LY96: variants seen among roughly 807,000 people sequenced by gnomAD.
LY96 encodes the protein lymphocyte antigen 96.
Under a neutral mutation model 18.9 loss-of-function variants are expected in LY96, and 18 were observed. That is an observed-to-expected ratio of 0.95 (90% CI 0.66 to 1.41). The LOEUF (loss-of-function observed/expected upper bound fraction) is 1.41, where lower values mean the gene tolerates loss of function less well. LY96 is among the 40% of genes most tolerant of loss of function. The pLI, the probability that LY96 is intolerant of heterozygous loss-of-function variation, is 0.00. For synonymous variants in LY96, 66 were observed against 62.6 expected (o/e 1.06, Z -0.26); for missense variants, 175 against 182.4 (o/e 0.96, Z 0.23).
chr8:74,075,216 C>T, the LY96 span, among the ~76,000 whole-genome samples: 1 of 152,240 alleles, frequency 6.6e-6, no homozygotes, highest in East Asian at 1.9e-4. Flanking sequence ...GCTGAATTGA[C>T]CCCTTTATTA....
At chr8:74,038,037 G>A in the LY96 span, among the ~76,000 whole-genome samples, 1 of 152,032 alleles carries the variant, frequency 6.6e-6, no homozygotes, top group African/African-American at 2.4e-5. Flanking sequence ...TACATAGTAG[G>A]TATATATATT....
chr8:74,089,843 G>A, the LY96 span, among the ~76,000 whole-genome samples: 2 of 152,114 alleles, frequency 1.3e-5, no homozygotes, highest in South Asian at 2.1e-4. Flanking sequence ...TGTGCTGTTT[G>A]AGCAAAGACC....
chr8:73,996,376 T>C (rs58885930), intron 1 of LY96, among the ~76,000 whole-genome samples: 1,157 of 17,286 alleles, frequency 0.067, 14 homozygotes, highest in African/African-American at 0.082. Flanking sequence ...TTCATTCCTT[T>C]CTTTCTTTCT....
chr8:74,049,282 T>C, the LY96 span, among the ~76,000 whole-genome samples: 8 of 152,332 alleles, frequency 5.3e-5, no homozygotes, highest in East Asian at 3.9e-4. Flanking sequence ...CCTGTCATGC[T>C]TGACACTCCA....
At chr8:74,078,288 G>A in the LY96 span, among the ~76,000 whole-genome samples, 51 of 152,228 alleles carry the variant, frequency 3.4e-4, 1 homozygote, top group East Asian at 8.5e-3. Context: ...TGGAGTGTGA[G>A]GATTTTCCTG....
At chr8:74,088,726 C>G in the LY96 span, among the ~76,000 whole-genome samples, 2 of 152,196 alleles carry the variant, frequency 1.3e-5, no homozygotes, top group Non-Finnish European at 1.5e-5. Flanking sequence ...GCTGGGATTA[C>G]AGGCACCTAC....
chr8:74,001,992 C>CTTCCTTCCG (rs1816284333), intron 1 of LY96, among the ~76,000 whole-genome samples: 1 of 77,062 alleles, frequency 1.3e-5, no homozygotes, highest in African/African-American at 4.7e-5. Context: ...CCCTCCCTCC[C>CTTCCTTCCG]TCCTTTCTTC....
chr8:74,025,351 C>T (rs564364795), intron 3 of LY96, among the ~76,000 whole-genome samples: 13 of 152,166 alleles, frequency 8.5e-5, no homozygotes, highest in Non-Finnish European at 1.2e-4. Context: ...CAGGTATCAA[C>T]TCCTTTAGTA....
chr8:74,052,073 A>G, the LY96 span, among the ~76,000 whole-genome samples: 21 of 152,340 alleles, frequency 1.4e-4, no homozygotes, highest in East Asian at 4.1e-3. Flanking sequence ...GGAAAAATAA[A>G]AGAAAAAGAA....
chr8:74,041,094 G>T, the LY96 span, among the ~76,000 whole-genome samples: 1 of 152,226 alleles, frequency 6.6e-6, no homozygotes, highest in South Asian at 2.1e-4. Context: ...AAATTGTGAA[G>T]ATTTCATTTT....
chr8:74,050,913 C>T, the LY96 span, among the ~76,000 whole-genome samples: 1 of 152,180 alleles, frequency 6.6e-6, no homozygotes, highest in Non-Finnish European at 1.5e-5. Flanking sequence ...ATCCCAGCTA[C>T]TCAGGAGGCT....
At chr8:73,993,385 C>T (rs1345336283) in intron 1 of LY96, among the ~76,000 whole-genome samples, 1 of 152,094 alleles carries the variant, frequency 6.6e-6, no homozygotes, top group African/African-American at 2.4e-5. Flanking sequence ...AAGCCATCCT[C>T]CCAGCTCAGC....
At chr8:74,057,773 C>T in the LY96 span, among the ~76,000 whole-genome samples, 277 of 152,368 alleles carry the variant, frequency 1.8e-3, no homozygotes, top group Non-Finnish European at 3.2e-3. Flanking sequence ...GGTAGCCAGG[C>T]TCACACCTGC....
the LY96 span, among the ~76,000 whole-genome samples, chr8:74,036,716 A>G: frequency 6.6e-6 from 1 of 152,186 alleles, no homozygotes; most frequent in African/African-American, 2.4e-5. Flanking sequence ...GTTCTCCTTC[A>G]TATTAAACTT....
At chr8:74,065,436 T>C in the LY96 span, among the ~76,000 whole-genome samples, 324 of 152,338 alleles carry the variant, frequency 2.1e-3, 1 homozygote, top group African/African-American at 6.6e-3. Flanking sequence ...TGAATTTTGG[T>C]TGTATTATTC....
intron 1 of LY96, among the ~76,000 whole-genome samples, chr8:73,998,973 T>G (rs1816208973): frequency 8.1e-6 from 1 of 123,480 alleles, no homozygotes; most frequent in African/African-American, 3.3e-5. Context: ...TAGCTTGTTA[T>G]AATTTTTTTT....
chr8:74,017,874 C>A (rs1563717606), intron 3 of LY96, among the ~76,000 whole-genome samples: 1 of 152,142 alleles, frequency 6.6e-6, no homozygotes, highest in Admixed American at 6.6e-5. Flanking sequence ...CACCACCAGG[C>A]CTGCCTTACA....
the LY96 span, among the ~76,000 whole-genome samples, chr8:74,060,157 A>AACGACGACG: frequency 2.0e-5 from 3 of 151,894 alleles, no homozygotes; most frequent in Non-Finnish European, 2.9e-5. Context: ...AAACAACAAC[A>AACGACGACG]ACGACGACGA....
chr8:74,058,593 C>A, the LY96 span, among the ~76,000 whole-genome samples: 2 of 150,718 alleles, frequency 1.3e-5, no homozygotes, highest in Non-Finnish European at 2.9e-5. Context: ...AATCTCGGCT[C>A]ACTGCAACCT....
Sources: gnomAD v4.1 joint callset for allele counts (sites outside exome capture counted in the v4.1 genomes callset) on GRCh38, gnomAD v4.1.1 for gene constraint, MANE v1.5 for transcripts, NCBI Gene and HGNC (gene_info 2026-07-23, HGNC 2026-07-21) for gene names.